USP25: variants seen among roughly 807,000 people sequenced by gnomAD.
The protein encoded by USP25 is ubiquitin carboxyl-terminal hydrolase 25.
In USP25, 85 loss-of-function variants were observed where a neutral mutation model predicts 158.5. The observed-to-expected ratio is 0.54, with a 90% CI of 0.45 to 0.64. The LOEUF (loss-of-function observed/expected upper bound fraction) is 0.64. Among genes scored for constraint, USP25 ranks in the 30% least tolerant of loss-of-function variants. The pLI is 0.00. For synonymous variants in USP25, 464 were observed against 460.4 expected (o/e 1.01, Z -0.10); for missense variants, 1,242 against 1,327.3 (o/e 0.94, Z 1.00).
At position 15,877,831 on chromosome 21, in the gene USP25, T is replaced by G; in HGVS notation, c.3045T>G (p.Ser1015=). Residue 1015 remains serine, a synonymous_variant, in exon 25 of 26, where the codon TCT becomes TCG. Coordinates refer to ENST00000400183, the MANE Select transcript of USP25 (RefSeq NM_001283041.3). Reference sequence around the variant, plus strand: ...AGCAAGCCGCAGAACTCTTCGAATCTGGAGAGGATCGAGAAGTAAACAATG... The same window carrying G: ...AGCAAGCCGCAGAACTCTTCGAATCGGGAGAGGATCGAGAAGTAAACAATG... ...LNEQAAELFE[S]GEDREVNNGL... 6.2e-7 allele frequency: 1 copy of G among 1,612,720 alleles called. No individual in the cohort carries two copies. Among genetic ancestry groups the G allele is most frequent in the South Asian group, 1.1e-5 (1 of 90,882 alleles).
chr21:15,865,333 T>A (rs991490589), intron 21 of USP25, among the ~76,000 whole-genome samples: 3 of 152,188 alleles, frequency 2.0e-5, no homozygotes, highest in Non-Finnish European at 2.9e-5. Context: ...ATCATCCTTT[T>A]ATGAGTGTCT....
intron 20 of USP25, among the ~76,000 whole-genome samples, chr21:15,850,085 C>A (rs1369063502): frequency 2.6e-5 from 4 of 151,742 alleles, no homozygotes; most frequent in Non-Finnish European, 5.9e-5. Context: ...AGAAAAAAAT[C>A]TTTTTATTTG....
chr21:15,826,940 G>T lies in USP25; in HGVS notation c.1467-37G>T. 1 of 1,601,212 alleles carries T rather than the reference G, an allele frequency of 6.2e-7. No homozygotes were observed. The stretch of plus-strand genomic sequence containing the variant: ...CGATCTTTGTCAAGAGTTTCAGCTT[G>T]AAAGGTTAATAAGAAATACTCTATG... On this transcript the variant is annotated intron_variant, in intron 13 of 25. Coordinates refer to ENST00000400183, the MANE Select transcript of USP25 (RefSeq NM_001283041.3). The surrounding 1 kb of genome is among the most constrained non-coding windows in gnomAD (Gnocchi z 4.8).
chr21:15,733,226 A>AAATTAATT (rs1390156935), intron 1 of USP25, among the ~76,000 whole-genome samples: 2 of 140,852 alleles, frequency 1.4e-5, no homozygotes, highest in African/African-American at 5.3e-5. Context: ...CCCAGGGACC[A>AAATTAATT]AATTAATTTA....
rs749839515 is a variant in USP25, at chr21:15,818,834, A to G, written c.1068A>G (p.Lys356=). The G allele has an allele frequency of 8.1e-6, 13 of 1,613,706 alleles. No homozygotes were observed. Among genetic ancestry groups the G allele is most frequent in the Non-Finnish European group, 1.1e-5 (13 of 1,179,716 alleles). ...IESLHSENSG[K]SGQEHWFTEL... ...CTTTACATTCAGAGAATTCAGGAAA[A>G]TCAGGCCAAGAGGTGAGTTTAACAT... is the stretch of plus-strand genomic sequence containing the variant. The change falls in exon 10 of 26, where the codon AAA becomes AAG. Residue 356 remains lysine, a synonymous_variant. Coordinates refer to ENST00000400183, the MANE Select transcript of USP25 (RefSeq NM_001283041.3).
At position 15,766,292 on chromosome 21, in the gene USP25, A is replaced by G; in HGVS notation, c.268+151A>G. 3.5e-6 allele frequency: 2 copies of G among 576,528 alleles called. No individual in the cohort carries two copies. The highest frequency in any genetic ancestry group is 5.3e-6 in the Non-Finnish European group (2 of 374,558). 35.7% of individuals were successfully genotyped at this position (576,528 alleles called of 1,614,324 possible). A position where few individuals can be genotyped will look rare whatever the true frequency, so the allele number is the denominator to read the frequency against. ...TTTTTAATGTAGTTGAAAGGAACAT[A>G]CATTATCTTTTTCAGATTATAAGGA... On this transcript the variant is annotated intron_variant, in intron 3 of 25. Transcript: ENST00000400183. This position sits in a 1 kb window ranked among gnomAD's most constrained non-coding sequence, Gnocchi z 4.0.
chr21:15,783,474 C>T (rs2035085041), intron 4 of USP25, among the ~76,000 whole-genome samples: 1 of 152,104 alleles, frequency 6.6e-6, no homozygotes, highest in Non-Finnish European at 1.5e-5. Flanking sequence ...ATTCTAAAAG[C>T]TGTAAGACAA....
At position 15,826,586 on chromosome 21, in the gene USP25, A is replaced by G. The variant is rs1025356795; in HGVS notation, c.1466+221A>G. Among the ~76,000 whole-genome samples the G allele has an allele frequency of 6.6e-6, 1 of 152,024 alleles. No homozygotes were observed. The highest frequency in any genetic ancestry group is 1.5e-5 in the Non-Finnish European group (1 of 67,992). ...TAAAATTTTAATCACATTTTTTTTCAGTTCAGAATTATACTTTAGCATGTT... is the reference window on the plus strand; with the variant it reads ...TAAAATTTTAATCACATTTTTTTTCGGTTCAGAATTATACTTTAGCATGTT... On this transcript the variant is annotated intron_variant, in intron 13 of 25. Coordinates refer to ENST00000400183, the MANE Select transcript of USP25 (RefSeq NM_001283041.3). The surrounding 1 kb of genome is among the most constrained non-coding windows in gnomAD (Gnocchi z 4.8).
intron 1 of USP25, among the ~76,000 whole-genome samples, chr21:15,737,476 C>T (rs1037089379): frequency 6.6e-6 from 1 of 152,076 alleles, no homozygotes; most frequent in Admixed American, 6.5e-5. Flanking sequence ...CGATAATAAC[C>T]TATATCCCTT....
At chr21:15,860,951 T>C (rs547273049) in intron 20 of USP25, among the ~76,000 whole-genome samples, 1 of 139,154 alleles carries the variant, frequency 7.2e-6, no homozygotes, top group Non-Finnish European at 1.5e-5. Context: ...ATTTGGTATC[T>C]TCATATATAT....
chr21:15,810,241 G>C (rs2036590887), intron 8 of USP25, among the ~76,000 whole-genome samples: 1 of 151,870 alleles, frequency 6.6e-6, no homozygotes, highest in South Asian at 2.1e-4. Flanking sequence ...TACCTACTGG[G>C]GTTCTTGTAA....
intron 1 of USP25, 43 bp downstream of exon 1, chr21:15,730,481 G>A: frequency 7.6e-7 from 1 of 1,321,656 alleles, no homozygotes; most frequent in South Asian, 2.0e-5. Flanking sequence ...TTCTCCTTCC[G>A]ACGGGCTGTC....
intron 1 of USP25, among the ~76,000 whole-genome samples, chr21:15,731,849 A>C (rs2030943374): frequency 1.3e-5 from 2 of 152,232 alleles, no homozygotes; most frequent in African/African-American, 2.4e-5. Flanking sequence ...AGGAAAGAGC[A>C]CATGGTCATG....
Position 15,831,491 on chromosome 21 carries a change from A to G in USP25, c.1855A>G (p.Arg619Gly). 6.2e-7 allele frequency: 1 copy of G among 1,614,146 alleles called. No homozygotes were observed. Among genetic ancestry groups the G allele is most frequent in the Non-Finnish European group, 8.5e-7 (1 of 1,179,980 alleles). Residue 619 changes from arginine (R) to glycine (G), a missense_variant, in exon 16 of 26, where the codon AGA becomes GGA. This residue lies in a region of USP25 where 608 missense variants were observed against 605.2 expected (regional missense o/e 1.00). Transcript: ENST00000400183. Reference protein sequence around the residue: ...WAYIFDHRESRWMKYNDIAVT... With the variant: ...WAYIFDHRESGWMKYNDIAVT... ...ATATATTTTTGATCATCGTGAAAGC[A>G]GATGGATGAAGTACAATGATATTGC...
Position 15,781,834 on chromosome 21 carries a change from A to G in USP25, c.392+3807A>G, listed in dbSNP as rs192552310. Among the ~76,000 whole-genome samples the G allele has an allele frequency of 2.3e-3, 343 of 152,260 alleles. 1 individual carries two copies. Among genetic ancestry groups the G allele is most frequent in the Non-Finnish European group, 3.6e-3 (242 of 68,006 alleles). On this transcript the variant is annotated intron_variant, in intron 4 of 25. Transcript: ENST00000400183. ...CTCACAGGTCCCAAGTCCAGCATGA[A>G]CAGTTGCTGAAAGTGCATGTGGCTA...
chr21:15,753,115 G>A lies in USP25; in HGVS notation c.46-9776G>A, dbSNP rs561256064. Among the ~76,000 whole-genome samples the A allele has an allele frequency of 1.1e-4, 16 of 152,324 alleles. No homozygotes were observed. In the South Asian group the frequency reaches 3.3e-3, roughly 32 times the overall value. On this transcript the variant is annotated intron_variant, in intron 1 of 25. Transcript: ENST00000400183. ...GACAGGGAGGTTTTATGGGGTGATGGAGAGGGGAGAGGGTGTGACATCACA... is the reference window on the plus strand; with the variant it reads ...GACAGGGAGGTTTTATGGGGTGATGAAGAGGGGAGAGGGTGTGACATCACA...
intron 9 of USP25, among the ~76,000 whole-genome samples, chr21:15,812,009 A>G (rs981422323): frequency 3.3e-5 from 5 of 152,222 alleles, no homozygotes; most frequent in Non-Finnish European, 7.4e-5. Flanking sequence ...GGATTCAGAA[A>G]AAGACAATAC....
Position 15,825,072 on chromosome 21 carries a change from T to C in USP25, c.1304+11T>C. On this transcript the variant is annotated intron_variant, in intron 12 of 25. Coordinates refer to ENST00000400183, the MANE Select transcript of USP25 (RefSeq NM_001283041.3). Reference sequence around the variant, plus strand: ...ACAAAGGCTAGAAAGGTATTTTAACTTTTATGAAATTAGGAGATAATTATC... The same window carrying C: ...ACAAAGGCTAGAAAGGTATTTTAACCTTTATGAAATTAGGAGATAATTATC... 2.6e-6 allele frequency: 4 copies of C among 1,561,360 alleles called. No individual in the cohort carries two copies. Among genetic ancestry groups the C allele is most frequent in the Non-Finnish European group, 3.5e-6 (4 of 1,149,210 alleles).
chr21:15,796,513 A>C (rs1232879760), intron 5 of USP25, among the ~76,000 whole-genome samples: 2 of 151,482 alleles, frequency 1.3e-5, no homozygotes, highest in Non-Finnish European at 3.0e-5. Flanking sequence ...TTGAGGAACT[A>C]AGAAAATTTT....
Sources: gnomAD v4.1 joint callset for allele counts (sites outside exome capture counted in the v4.1 genomes callset) on GRCh38, gnomAD v4.1.1 for gene constraint, gnomAD v4.1.1 regional missense constraint, Gnocchi (gnomAD v3.1) non-coding constraint, MANE v1.5 for transcripts, NCBI Gene and HGNC (gene_info 2026-07-23, HGNC 2026-07-21) for gene names.